Variants in AFG2A observed in about 807,000 individuals in gnomAD.
AFG2A encodes the protein AAA ATPase AFG2A.
At chr4:123,232,706 G>A in the AFG2A span, among the ~76,000 whole-genome samples, 2 of 152,112 alleles carry the variant, frequency 1.3e-5, no homozygotes, top group Admixed American at 6.6e-5. Flanking sequence ...ATATCTGATG[G>A]AAAAGAGCAA....
At chr4:123,258,188 A>G in the AFG2A span, among the ~76,000 whole-genome samples, 2 of 152,208 alleles carry the variant, frequency 1.3e-5, no homozygotes, top group African/African-American at 4.8e-5. Context: ...TAACAGCTAC[A>G]TCTTAGTAGT....
At chr4:123,136,630 C>T in the AFG2A span, among the ~76,000 whole-genome samples, 1 of 151,112 alleles carries the variant, frequency 6.6e-6, no homozygotes, top group African/African-American at 2.4e-5. Context: ...GCCGAGATCG[C>T]ACCACTGCAC....
At chr4:123,283,190 T>A in the AFG2A span, among the ~76,000 whole-genome samples, 1 of 152,216 alleles carries the variant, frequency 6.6e-6, no homozygotes, top group Non-Finnish European at 1.5e-5. Context: ...GTGCTGCGAA[T>A]GATGTTTATA....
chr4:123,233,200 A>C, the AFG2A span, among the ~76,000 whole-genome samples: 1 of 152,034 alleles, frequency 6.6e-6, no homozygotes, highest in Non-Finnish European at 1.5e-5. Flanking sequence ...TAAAGTTTTC[A>C]AACTCTTTTT....
At chr4:122,935,964 A>T in the AFG2A span, 1 of 1,323,462 alleles carries the variant, frequency 7.6e-7, no homozygotes, top group South Asian at 1.8e-5. Context: ...TTGCTTCTTA[A>T]TAAAAATTGT....
At chr4:123,312,271 TCA>T in the AFG2A span, among the ~76,000 whole-genome samples, 1 of 152,096 alleles carries the variant, frequency 6.6e-6, no homozygotes, top group Non-Finnish European at 1.5e-5. Flanking sequence ...TGAGGGAGTC[TCA>T]GCTATGAGGG....
chr4:123,211,703 T>C, the AFG2A span, among the ~76,000 whole-genome samples: 1 of 152,148 alleles, frequency 6.6e-6, no homozygotes. Flanking sequence ...TCCTAACGAG[T>C]AGTGAAATGG....
chr4:122,971,857 TC>T, the AFG2A span, among the ~76,000 whole-genome samples: 180 of 152,294 alleles, frequency 1.2e-3, no homozygotes, highest in Non-Finnish European at 2.2e-3. Context: ...AATCTGGCAT[TC>T]CTGTAATAGA....
chr4:122,974,148 TTTATA>T, the AFG2A span, among the ~76,000 whole-genome samples: 5 of 151,804 alleles, frequency 3.3e-5, no homozygotes, highest in South Asian at 2.1e-4. Flanking sequence ...TATAAATATG[TTTATA>T]TTATAATATT....
chr4:123,057,878 G>A, the AFG2A span, among the ~76,000 whole-genome samples: 123 of 151,936 alleles, frequency 8.1e-4, no homozygotes, highest in Non-Finnish European at 1.3e-3. Flanking sequence ...AATGTATAGC[G>A]GTCCTTTAAT....
the AFG2A span, among the ~76,000 whole-genome samples, chr4:123,280,911 A>G: frequency 3.9e-5 from 6 of 152,306 alleles, no homozygotes; most frequent in African/African-American, 7.2e-5. Flanking sequence ...CATTTGTTGC[A>G]TAGTATTGTA....
chr4:123,257,544 C>T, the AFG2A span, among the ~76,000 whole-genome samples: 1 of 152,110 alleles, frequency 6.6e-6, no homozygotes, highest in Non-Finnish European at 1.5e-5. Context: ...GAATAAAAAG[C>T]CATGTGGAAA....
At chr4:123,303,821 T>A in the AFG2A span, among the ~76,000 whole-genome samples, 1 of 151,568 alleles carries the variant, frequency 6.6e-6, no homozygotes, top group Non-Finnish European at 1.5e-5. Flanking sequence ...CCAAGTGTGT[T>A]CCCCTTCTCT....
At chr4:123,173,125 T>C in the AFG2A span, among the ~76,000 whole-genome samples, 3 of 152,106 alleles carry the variant, frequency 2.0e-5, no homozygotes, top group Admixed American at 1.3e-4. Context: ...ATAGATTTTA[T>C]AGGACATTGT....
At chr4:123,081,616 A>G in the AFG2A span, among the ~76,000 whole-genome samples, 9 of 152,152 alleles carry the variant, frequency 5.9e-5, no homozygotes, top group Admixed American at 5.2e-4. Context: ...TTTTTTGTGG[A>G]TATAAGTTTT....
the AFG2A span, among the ~76,000 whole-genome samples, chr4:123,283,216 A>G: frequency 7.7e-4 from 117 of 152,300 alleles, no homozygotes; most frequent in African/African-American, 2.7e-3. Context: ...TTAAATTCTG[A>G]TAAAGGGAAT....
At chr4:122,961,082 C>G in the AFG2A span, among the ~76,000 whole-genome samples, 1 of 152,226 alleles carries the variant, frequency 6.6e-6, no homozygotes, top group Admixed American at 6.5e-5. Flanking sequence ...GCTATTCAAC[C>G]TCTTGGGTTT....
the AFG2A span, among the ~76,000 whole-genome samples, chr4:123,013,287 A>T: frequency 6.6e-6 from 1 of 152,130 alleles, no homozygotes; most frequent in Admixed American, 6.5e-5. Context: ...ACTTCAGGCC[A>T]TCTAGATGTA....
chr4:123,111,618 C>T, the AFG2A span, among the ~76,000 whole-genome samples: 1 of 151,928 alleles, frequency 6.6e-6, no homozygotes, highest in Non-Finnish European at 1.5e-5. Context: ...ATATAGATAG[C>T]CAGGAAAGAG....
Sources: allele counts gnomAD v4.1 joint callset (sites outside exome capture counted in the v4.1 genomes callset), GRCh38; gene constraint gnomAD v4.1.1; transcripts MANE v1.5; gene names NCBI Gene and HGNC (gene_info 2026-07-23, HGNC 2026-07-21).